Variants in DIS3L2 observed in about 807,000 individuals in gnomAD.
The protein encoded by DIS3L2 is DIS3 like 3'-5' exoribonuclease 2, also known as DIS3-like exonuclease 2.
DIS3L2 carries 34 observed loss-of-function variants against 97.5 expected under a neutral mutation model. That is an observed-to-expected ratio of 0.35 (90% CI 0.27 to 0.46). The LOEUF (loss-of-function observed/expected upper bound fraction) is 0.46. Among genes scored for constraint, DIS3L2 ranks in the 20% least tolerant of loss-of-function variants. The pLI is 1.00. For missense variants in DIS3L2, 1,038 were observed against 1,146.0 expected, an observed-to-expected ratio of 0.91 and a Z score of 1.36; for synonymous variants, 435 against 445.2, an observed-to-expected ratio of 0.98 and a Z score of 0.29.
At chr2:232,260,967 G>T (rs1042989672) in intron 12 of DIS3L2, among the ~76,000 whole-genome samples, 3 of 152,222 alleles carry the variant, frequency 2.0e-5, no homozygotes, top group Non-Finnish European at 4.4e-5. Flanking sequence ...AGGCAAGGGG[G>T]ATGTCTGCAA....
intron 5 of DIS3L2, among the ~76,000 whole-genome samples, chr2:232,041,400 G>A (rs952653930): frequency 6.6e-6 from 1 of 152,168 alleles, no homozygotes; most frequent in Non-Finnish European, 1.5e-5. Flanking sequence ...TTGGGACAGG[G>A]TGCTAAGTTC....
chr2:232,130,846 A>G (rs1574898340), intron 7 of DIS3L2, 127 bp downstream of exon 7: 3 of 1,307,190 alleles, frequency 2.3e-6, no homozygotes, highest in South Asian at 2.2e-5. Context: ...GCAGAGAATC[A>G]TAAAAAGTGA....
intron 13 of DIS3L2, among the ~76,000 whole-genome samples, chr2:232,295,556 G>A (rs1424007710): frequency 6.6e-6 from 1 of 152,108 alleles, no homozygotes; most frequent in Admixed American, 6.6e-5. Context: ...CTTCCTGTCA[G>A]CATTGAAACA....
At chr2:232,265,345 C>T (rs1040569678) in intron 13 of DIS3L2, among the ~76,000 whole-genome samples, 1 of 152,188 alleles carries the variant, frequency 6.6e-6, no homozygotes, top group African/African-American at 2.4e-5. Context: ...CCCTGAGTGA[C>T]CTCTTGTGAT....
intron 1 of DIS3L2, among the ~76,000 whole-genome samples, chr2:232,010,840 T>A (rs1247077496): frequency 6.6e-6 from 1 of 152,250 alleles, no homozygotes; most frequent in African/African-American, 2.4e-5. Flanking sequence ...ATTGTAGTCC[T>A]GGCCCTGCCA....
At chr2:232,101,957 C>G (rs1241721293) in intron 6 of DIS3L2, among the ~76,000 whole-genome samples, 2 of 152,198 alleles carry the variant, frequency 1.3e-5, no homozygotes, top group East Asian at 3.8e-4. Flanking sequence ...AGTATCATGC[C>G]ACAGTTGACT....
intron 14 of DIS3L2, among the ~76,000 whole-genome samples, chr2:232,326,370 C>T (rs1229687775): frequency 6.6e-6 from 1 of 150,642 alleles, no homozygotes; most frequent in East Asian, 2.0e-4. Flanking sequence ...ATACTGAACT[C>T]GGTGCAACTC....
chr2:232,057,541 G>A (rs1695578649), intron 5 of DIS3L2, among the ~76,000 whole-genome samples: 1 of 152,094 alleles, frequency 6.6e-6, no homozygotes. Flanking sequence ...TTTTCTTGCT[G>A]CCCTTGAAGA....
intron 5 of DIS3L2, among the ~76,000 whole-genome samples, chr2:232,051,070 A>G (rs1168362159): frequency 6.6e-6 from 1 of 152,248 alleles, no homozygotes; most frequent in Admixed American, 6.5e-5. Flanking sequence ...CATTCCTCCC[A>G]AGTCTCAACT....
intron 17 of DIS3L2, among the ~76,000 whole-genome samples, 173 bp from the exon 18 acceptor site, chr2:232,334,196 A>G (rs1559219441): frequency 2.0e-5 from 3 of 152,190 alleles, no homozygotes; most frequent in Non-Finnish European, 4.4e-5. Flanking sequence ...AGCCCTGGAC[A>G]CAGCCGGGAG....
rs368805965 is a variant in DIS3L2, at chr2:232,327,422, G to C, written c.1740-2391G>C. On this transcript the variant is annotated intron_variant, in intron 14 of 20. Transcript: ENST00000325385. ...ATGCTCCTGCCCAGGAGGATTGTCC[G>C]ACTGCATGGGGAGAAAAGTCCAGAA... Among the ~76,000 whole-genome samples, 5 of 152,240 alleles carry C rather than the reference G, an allele frequency of 3.3e-5. No homozygotes were observed. The South Asian group carries it at 1.0e-3, about 32-fold the overall frequency.
intron 6 of DIS3L2, among the ~76,000 whole-genome samples, chr2:232,094,358 C>T (rs1020148167): frequency 4.6e-5 from 7 of 152,020 alleles, no homozygotes; most frequent in Admixed American, 2.0e-4. Flanking sequence ...GCAGATTAAG[C>T]CAGCTCTTTC....
In DIS3L2 at chr2:232,130,906, C is replaced by G. The variant is rs1698199495; in HGVS notation, c.702+187C>G. 1.2e-5 allele frequency: 10 copies of G among 861,920 alleles called. No homozygotes were observed. In the South Asian group the frequency reaches 2.8e-4, roughly 24 times the overall value. The allele number at this position is 861,920 out of a possible 1,614,324, so 53.4% of individuals were successfully genotyped here. On this transcript the variant is annotated intron_variant, in intron 7 of 20. Coordinates refer to ENST00000325385, the MANE Select transcript of DIS3L2 (RefSeq NM_152383.5). ...TATAAATACGAATCCATCTTCCTGCCTTTGGATAAGGGGTCAAGGCCTTTT... is the reference window on the plus strand; with the variant it reads ...TATAAATACGAATCCATCTTCCTGCGTTTGGATAAGGGGTCAAGGCCTTTT...
chr2:232,225,110 GT>G (rs942749048), intron 10 of DIS3L2, among the ~76,000 whole-genome samples: 3 of 152,192 alleles, frequency 2.0e-5, no homozygotes, highest in African/African-American at 7.2e-5. Flanking sequence ...TAGGGAGGGT[GT>G]GGAGCAATTA....
Position 232,293,603 on chromosome 2 carries a change from G to A in DIS3L2, c.1660-6437G>A, listed in dbSNP as rs1694655084. Among the ~76,000 whole-genome samples the A allele has an allele frequency of 6.6e-6, 1 of 152,210 alleles. No individual in the cohort carries two copies. Among genetic ancestry groups the A allele is most frequent in the Non-Finnish European group, 1.5e-5 (1 of 68,040 alleles). On this transcript the variant is annotated intron_variant, in intron 13 of 20. Coordinates refer to ENST00000325385, the MANE Select transcript of DIS3L2 (RefSeq NM_152383.5). This position sits in a 1 kb window ranked among gnomAD's most constrained non-coding sequence, Gnocchi z 4.6. ...GAGTGCATGGAGCTCTGCAGGAGCT[G>A]GAGAGTGACCCTTCCCTGTCCTGTA...
intron 11 of DIS3L2, among the ~76,000 whole-genome samples, chr2:232,239,674 C>T (rs977606411): frequency 6.6e-6 from 1 of 152,186 alleles, no homozygotes; most frequent in Admixed American, 6.5e-5. Context: ...GGAATATCCC[C>T]ACCATCCACC....
At chr2:232,104,140 G>T (rs1300260798) in intron 6 of DIS3L2, among the ~76,000 whole-genome samples, 22 of 152,116 alleles carry the variant, frequency 1.4e-4, no homozygotes, top group Non-Finnish European at 4.4e-5. Context: ...GTAAATGTGA[G>T]ATGGTCATAT....
At chr2:232,147,656 G>C (rs992319610) in intron 8 of DIS3L2, among the ~76,000 whole-genome samples, 1 of 152,124 alleles carries the variant, frequency 6.6e-6, no homozygotes, top group Non-Finnish European at 1.5e-5. Flanking sequence ...TATCTTTTCA[G>C]ACAGTAAGCA....
chr2:232,255,837 C>A (rs559558296), intron 12 of DIS3L2, among the ~76,000 whole-genome samples: 1 of 152,148 alleles, frequency 6.6e-6, no homozygotes. Flanking sequence ...TCAAAAACCA[C>A]GGGGTCATTC....
Sources: gnomAD v4.1 joint callset for allele counts (sites outside exome capture counted in the v4.1 genomes callset) on GRCh38, gnomAD v4.1.1 for gene constraint, Gnocchi (gnomAD v3.1) non-coding constraint, MANE v1.5 for transcripts, NCBI Gene and HGNC (gene_info 2026-07-23, HGNC 2026-07-21) for gene names.